The following SLC35F1 variants were observed in gnomAD, a reference collection of about 807,000 sequenced individuals.
SLC35F1 encodes the protein chromosome 6 open reading frame 169.
SLC35F1 carries 14 observed loss-of-function variants against 48.7 expected under a neutral mutation model. That is an observed-to-expected ratio of 0.29 (90% CI 0.19 to 0.45). The LOEUF (loss-of-function observed/expected upper bound fraction) is 0.45. Ranked by LOEUF, SLC35F1 falls within the 20% of genes least tolerant of loss-of-function variation. SLC35F1 has a pLI of 1.00. For missense variants in SLC35F1, 404 were observed against 500.0 expected (o/e 0.81, Z 1.83); for synonymous variants, 190 against 202.2 (o/e 0.94, Z 0.51).
chr6:118,015,147 A>AG (rs1189875966), intron 1 of SLC35F1, among the ~76,000 whole-genome samples: 1 of 152,110 alleles, frequency 6.6e-6, no homozygotes, highest in Non-Finnish European at 1.5e-5. Flanking sequence ...CCAGATTGTG[A>AG]GGCCTCCCAG....
intron 1 of SLC35F1, among the ~76,000 whole-genome samples, chr6:117,945,943 G>A (rs1582578576): frequency 6.6e-6 from 1 of 152,180 alleles, no homozygotes; most frequent in South Asian, 2.1e-4. Context: ...GAATATGAGA[G>A]TTGTTAAAAT....
Position 117,924,481 on chromosome 6 carries a change from TATACGTA to T in SLC35F1, c.173+16583_173+16589del, listed in dbSNP as rs1775997788. ...ATGTGTGTACATATATACATATGTA[TATACGTA>T]TATACATATGTATATACGTATATAC... On this transcript the variant is annotated intron_variant, in intron 1 of 7. Transcript: ENST00000360388. 1.7e-4 allele frequency among the ~76,000 whole-genome samples: 3 copies of T among 17,634 alleles called. No individual in the cohort carries two copies. The Admixed American group carries it at 4.0e-3, about 24-fold the overall frequency. The allele number at this position is 17,634 out of a possible 152,430, so 11.6% of individuals were successfully genotyped here.
chr6:118,313,688 T>C (rs1776396915), intron 7 of SLC35F1, among the ~76,000 whole-genome samples: 1 of 152,208 alleles, frequency 6.6e-6, no homozygotes, highest in Non-Finnish European at 1.5e-5. Flanking sequence ...CAACCAACTT[T>C]TTATTGACTG....
chr6:117,934,922 G>A (rs2760226), intron 1 of SLC35F1, among the ~76,000 whole-genome samples: 85,540 of 151,784 alleles, frequency 0.56, 24,473 homozygotes, highest in South Asian at 0.74. Flanking sequence ...AGCCTGGCCA[G>A]CATGGTGAAA....
intron 1 of SLC35F1, among the ~76,000 whole-genome samples, chr6:118,053,005 A>G (rs531257393): frequency 3.3e-5 from 5 of 152,196 alleles, no homozygotes; most frequent in African/African-American, 9.6e-5. Context: ...GATTATCATT[A>G]ACTTTGATGA....
intron 2 of SLC35F1, among the ~76,000 whole-genome samples, chr6:118,158,677 T>C (rs1562309530): frequency 6.6e-6 from 1 of 152,214 alleles, no homozygotes; most frequent in Admixed American, 6.5e-5. Context: ...GACTTCAAAG[T>C]CAAACTGAAT....
At chr6:117,928,483 A>G (rs1279127134) in intron 1 of SLC35F1, among the ~76,000 whole-genome samples, 2 of 152,134 alleles carry the variant, frequency 1.3e-5, no homozygotes, top group African/African-American at 2.4e-5. Flanking sequence ...GGTGAAAACA[A>G]CGTAACTTAA....
intron 1 of SLC35F1, among the ~76,000 whole-genome samples, chr6:118,031,313 A>C (rs9320629): frequency 6.6e-6 from 1 of 152,012 alleles, no homozygotes; most frequent in African/African-American, 2.4e-5. Flanking sequence ...ACTACTTTCA[A>C]GGGCAGGTAT....
intron 1 of SLC35F1, among the ~76,000 whole-genome samples, chr6:117,909,904 G>C (rs1775741929): frequency 1.3e-5 from 2 of 152,060 alleles, no homozygotes; most frequent in Admixed American, 1.3e-4. Context: ...TTTCATCGCA[G>C]GTATACAACC....
chr6:118,223,559 G>A (rs79708378), intron 2 of SLC35F1, among the ~76,000 whole-genome samples: 8,168 of 152,222 alleles, frequency 0.054, 308 homozygotes, highest in African/African-American at 0.1. Flanking sequence ...ATGAACGTAT[G>A]GTGCCTCTGG....
chr6:118,304,499 C>T (rs916001759), intron 7 of SLC35F1, among the ~76,000 whole-genome samples: 1 of 152,126 alleles, frequency 6.6e-6, no homozygotes, highest in African/African-American at 2.4e-5. Context: ...AAAATGCCTT[C>T]TATTCCAGAT....
chr6:117,925,722 C>T (rs568076647), intron 1 of SLC35F1, among the ~76,000 whole-genome samples: 87 of 152,084 alleles, frequency 5.7e-4, no homozygotes, highest in African/African-American at 2.1e-3. Context: ...CAGGTTTGCT[C>T]GAGTGTGTGA....
chr6:118,029,936 C>T lies in SLC35F1; in HGVS notation c.173+122037C>T, dbSNP rs185750969. Among the ~76,000 whole-genome samples, 5 of 152,258 alleles carry T rather than the reference C, an allele frequency of 3.3e-5. No homozygotes were observed. In the East Asian group the frequency reaches 9.7e-4, roughly 29 times the overall value. ...TTACAGAATGTCTTCTTGGAGAGGA[C>T]ATTCCAACAAGGGAAGAGAGAAGTA... On this transcript the variant is annotated intron_variant, in intron 1 of 7. Transcript: ENST00000360388.
At chr6:117,990,407 T>C (rs1776902511) in intron 1 of SLC35F1, among the ~76,000 whole-genome samples, 1 of 152,214 alleles carries the variant, frequency 6.6e-6, no homozygotes, top group South Asian at 2.1e-4. Flanking sequence ...CCCAGTGAAA[T>C]GTCTTCTCTG....
intron 7 of SLC35F1, among the ~76,000 whole-genome samples, chr6:118,295,258 T>C (rs1006858259): frequency 6.6e-6 from 1 of 152,168 alleles, no homozygotes; most frequent in Non-Finnish European, 1.5e-5. Context: ...TTTAAAAGAA[T>C]GATATCCAGA....
chr6:118,065,560 CTATGACATATCAATTT>C (rs1772600191), intron 1 of SLC35F1, among the ~76,000 whole-genome samples: 1 of 152,074 alleles, frequency 6.6e-6, no homozygotes, highest in Admixed American at 6.5e-5. Flanking sequence ...AGATGTACAA[CTATGACATATCAATTT>C]TTTTAAAAGC....
intron 1 of SLC35F1, among the ~76,000 whole-genome samples, chr6:117,935,694 A>G (rs1776155201): frequency 6.6e-6 from 1 of 152,182 alleles, no homozygotes; most frequent in South Asian, 2.1e-4. Context: ...ATGCACAAAA[A>G]TGTGAAACAT....
intron 1 of SLC35F1, among the ~76,000 whole-genome samples, chr6:117,991,649 T>A (rs1776920830): frequency 6.6e-6 from 1 of 152,228 alleles, no homozygotes; most frequent in Non-Finnish European, 1.5e-5. Context: ...ATACGTCTTT[T>A]AATCCATTTC....
intron 7 of SLC35F1, among the ~76,000 whole-genome samples, chr6:118,309,044 C>T (rs1776343055): frequency 6.6e-6 from 1 of 152,126 alleles, no homozygotes. Context: ...ATGTGTGGTA[C>T]ATGAGAAGCC....
Sources: allele counts gnomAD v4.1 joint callset (sites outside exome capture counted in the v4.1 genomes callset), GRCh38; gene constraint gnomAD v4.1.1; transcripts MANE v1.5; gene names NCBI Gene and HGNC (gene_info 2026-07-23, HGNC 2026-07-21).